Variants in RSPO2 observed in about 807,000 individuals in gnomAD.
RSPO2 encodes R-spondin-2.
Under a neutral mutation model 30.9 loss-of-function variants are expected in RSPO2, and 14 were observed. That is an observed-to-expected ratio of 0.45 (90% confidence interval 0.30 to 0.71). RSPO2 has a LOEUF of 0.71. RSPO2 is among the 30% of genes least tolerant of loss of function. The pLI is 0.08. For synonymous variants in RSPO2, 107 were observed against 96.4 expected (o/e 1.11, Z -0.64); for missense variants, 264 against 301.9 (o/e 0.87, Z 0.93).
At chr8:107,934,818 T>G (rs1411448949) in intron 5 of RSPO2, among the ~76,000 whole-genome samples, 1 of 152,212 alleles carries the variant, frequency 6.6e-6, no homozygotes, top group East Asian at 1.9e-4. Flanking sequence ...CTGCAATCTC[T>G]GAACATAAAT....
At chr8:107,927,757 A>G (rs951922571) in intron 5 of RSPO2, among the ~76,000 whole-genome samples, 2 of 152,110 alleles carry the variant, frequency 1.3e-5, no homozygotes, top group African/African-American at 4.8e-5. Context: ...CCACTTGATC[A>G]TGGTGGATAA....
intron 2 of RSPO2, among the ~76,000 whole-genome samples, chr8:108,067,653 C>T (rs1812712090): frequency 6.6e-6 from 1 of 152,200 alleles, no homozygotes; most frequent in South Asian, 2.1e-4. Context: ...GCAGTGCCAG[C>T]ATTTGACACT....
rs1430629453 is a variant in RSPO2 at position 107,983,566 on chromosome 8, C to A, written c.283+5490G>T. ...ATATTTACTTCAGCAAAAGAGTGAG[C>A]CAGCAGAGCCATGTATTGGAAGTAA... On this transcript the variant is annotated intron_variant, in intron 3 of 5. Transcript: ENST00000276659. 4.4e-6 allele frequency: 7 copies of A among 1,599,556 alleles called. No individual in the cohort carries two copies. The East Asian group carries it at 1.6e-4, about 36-fold the overall frequency.
intron 3 of RSPO2, among the ~76,000 whole-genome samples, chr8:107,963,360 C>G (rs952379399): frequency 1.3e-5 from 2 of 150,890 alleles, no homozygotes; most frequent in South Asian, 4.2e-4. Context: ...ATGGTAAAAC[C>G]CCATCTCTAA....
chr8:107,943,547 C>T (rs887222783), intron 5 of RSPO2, among the ~76,000 whole-genome samples: 3 of 152,142 alleles, frequency 2.0e-5, no homozygotes, highest in African/African-American at 7.2e-5. Flanking sequence ...AGAAATTTCA[C>T]GTAGCGGTTC....
chr8:108,001,978 AAC>A (rs1354175249), intron 2 of RSPO2, among the ~76,000 whole-genome samples: 1 of 152,174 alleles, frequency 6.6e-6, no homozygotes, highest in African/African-American at 2.4e-5. Flanking sequence ...GGGTGCAGCA[AAC>A]CAACATGGCA....
chr8:107,968,054 A>G (rs935098140), intron 3 of RSPO2, among the ~76,000 whole-genome samples: 1 of 152,148 alleles, frequency 6.6e-6, no homozygotes, highest in African/African-American at 2.4e-5. Context: ...TAAGTATAAA[A>G]ATTTACTACC....
chr8:108,067,957 T>C (rs1001776735), intron 2 of RSPO2, among the ~76,000 whole-genome samples: 3 of 152,104 alleles, frequency 2.0e-5, no homozygotes, highest in Non-Finnish European at 4.4e-5. Flanking sequence ...TAGTCCCAGC[T>C]ACTCAGGAGG....
chr8:108,040,836 G>A (rs932348917), intron 2 of RSPO2, among the ~76,000 whole-genome samples: 2 of 152,120 alleles, frequency 1.3e-5, no homozygotes, highest in Admixed American at 6.6e-5. Flanking sequence ...AACATAGCAG[G>A]TGTTGGTAAC....
At chr8:107,920,610 TTTGAGTACA>T (rs1812130946) in intron 5 of RSPO2, among the ~76,000 whole-genome samples, 1 of 152,134 alleles carries the variant, frequency 6.6e-6, no homozygotes, top group African/African-American at 2.4e-5. Flanking sequence ...CATTTCACAA[TTTGAGTACA>T]TTGATTGATT....
At chr8:107,929,230 A>C (rs1415144151) in intron 5 of RSPO2, among the ~76,000 whole-genome samples, 1 of 152,216 alleles carries the variant, frequency 6.6e-6, no homozygotes, top group East Asian at 1.9e-4. Flanking sequence ...TTGTTTTGAG[A>C]GGATAAGTAA....
intron 2 of RSPO2, among the ~76,000 whole-genome samples, chr8:108,015,294 G>A (rs1162091984): frequency 6.6e-6 from 1 of 152,192 alleles, no homozygotes; most frequent in Non-Finnish European, 1.5e-5. Flanking sequence ...AGCAGGTTAT[G>A]TAAATGTCAA....
Position 108,083,449 on chromosome 8 carries a change from C to A in RSPO2, c.-422G>T, listed in dbSNP as rs754535922. 6.6e-6 allele frequency: 1 copy of A among 152,308 alleles called. No individual in the cohort carries two copies. Among genetic ancestry groups the A allele is most frequent in the Non-Finnish European group, 1.5e-5 (1 of 68,106 alleles). 9.4% of individuals were successfully genotyped at this position (152,308 alleles called of 1,614,324 possible). On this transcript the variant is annotated 5_prime_UTR_variant, in exon 1 of 6. Coordinates refer to ENST00000276659, the MANE Select transcript of RSPO2 (RefSeq NM_178565.5). ...GCGGTCCCCAGGCAAGGGGTGCGCC[C>A]GCTCACACTCTCTGCCTCCCTAACC...
intron 3 of RSPO2, among the ~76,000 whole-genome samples, chr8:107,986,733 G>A (rs1188416495): frequency 6.6e-6 from 1 of 152,038 alleles, no homozygotes; most frequent in East Asian, 1.9e-4. Flanking sequence ...TGGAATAAAT[G>A]TTTCTATCCA....
chr8:107,975,677 T>C (rs984798256), intron 3 of RSPO2, among the ~76,000 whole-genome samples: 1 of 152,248 alleles, frequency 6.6e-6, no homozygotes, highest in South Asian at 2.1e-4. Flanking sequence ...TGAGAACTTA[T>C]GAGATGCCAA....
At chr8:107,933,355 T>C (rs1812608781) in intron 5 of RSPO2, among the ~76,000 whole-genome samples, 1 of 152,208 alleles carries the variant, frequency 6.6e-6, no homozygotes, top group Admixed American at 6.5e-5. Context: ...AAAAGGATTG[T>C]ATACGAAATA....
intron 2 of RSPO2, among the ~76,000 whole-genome samples, chr8:107,998,369 A>G (rs1815101614): frequency 6.6e-6 from 1 of 152,162 alleles, no homozygotes. Context: ...CATGTATACT[A>G]CCAAGCTCAA....
At chr8:107,962,002 C>T (rs1392497373) in intron 3 of RSPO2, among the ~76,000 whole-genome samples, 3 of 152,114 alleles carry the variant, frequency 2.0e-5, no homozygotes, top group Admixed American at 6.5e-5. Flanking sequence ...TTCGCAGGAC[C>T]GGTAAATTCC....
At chr8:108,000,099 A>G (rs974991134) in intron 2 of RSPO2, among the ~76,000 whole-genome samples, 3 of 152,202 alleles carry the variant, frequency 2.0e-5, no homozygotes, top group Admixed American at 6.5e-5. Flanking sequence ...CGGTTCAAGG[A>G]AAGACGATGA....
Sources: allele counts gnomAD v4.1 joint callset (sites outside exome capture counted in the v4.1 genomes callset), GRCh38; gene constraint gnomAD v4.1.1; transcripts MANE v1.5; gene names NCBI Gene and HGNC (gene_info 2026-07-23, HGNC 2026-07-21).